Variants in CPQ observed in about 807,000 individuals in gnomAD.
CPQ encodes carboxypeptidase Q.
CPQ carries 37 observed loss-of-function variants against 45.7 expected under a neutral mutation model. That is an observed-to-expected ratio of 0.81 (90% CI 0.62 to 1.07). The LOEUF is 1.07. Ranked by LOEUF, CPQ falls within the 50% of genes least tolerant of loss-of-function variation. The pLI, the probability that CPQ is intolerant of heterozygous loss-of-function variation, is 0.00. For missense variants in CPQ, 537 were observed against 572.9 expected (o/e 0.94, Z 0.64); for synonymous variants, 186 against 205.8 (o/e 0.90, Z 0.82).
At chr8:96,872,694 G>A (rs1275534116) in intron 3 of CPQ, among the ~76,000 whole-genome samples, 2 of 151,794 alleles carry the variant, frequency 1.3e-5, no homozygotes, top group African/African-American at 2.4e-5. Context: ...AAAACCAATA[G>A]GATGTGCAAG....
At chr8:96,972,212 A>C (rs1309212244) in intron 5 of CPQ, among the ~76,000 whole-genome samples, 1 of 152,192 alleles carries the variant, frequency 6.6e-6, no homozygotes, top group African/African-American at 2.4e-5. Context: ...GCATGGGAGC[A>C]GGGTAAGGCC....
intron 4 of CPQ, among the ~76,000 whole-genome samples, chr8:96,962,470 A>G (rs1813476788): frequency 6.6e-6 from 1 of 152,212 alleles, no homozygotes; most frequent in Non-Finnish European, 1.5e-5. Flanking sequence ...CAGATCTGGC[A>G]ACAGAGGCAG....
chr8:97,109,936 C>T (rs1321057541), intron 7 of CPQ, among the ~76,000 whole-genome samples: 1 of 152,138 alleles, frequency 6.6e-6, no homozygotes, highest in African/African-American at 2.4e-5. Context: ...CTTCTTGAGG[C>T]AGCACTTCTA....
Position 96,835,103 on chromosome 8 carries a change from G to T in CPQ, c.564G>T (p.Thr188=). 1.3e-6 allele frequency: 2 copies of T among 1,599,562 alleles called. No homozygotes were observed. The highest frequency in any genetic ancestry group is 1.7e-6 in the Non-Finnish European group (2 of 1,172,448). Residue 188 remains threonine, a synonymous_variant, in exon 3 of 8, where the codon ACG becomes ACT. Transcript: ENST00000220763. The part of the protein sequence containing the change: ...INYSRTVQYR[T]QGAVEAAKVG... ...ACTCAAGGACGGTGCAATACCGAACGCAGGGGGCGGTGGAAGCTGCCAAGG... is the reference window on the plus strand; with the variant it reads ...ACTCAAGGACGGTGCAATACCGAACTCAGGGGGCGGTGGAAGCTGCCAAGG...
At chr8:96,861,644 T>G (rs1348303491) in intron 3 of CPQ, among the ~76,000 whole-genome samples, 9 of 152,118 alleles carry the variant, frequency 5.9e-5, no homozygotes, top group Non-Finnish European at 7.4e-5. Flanking sequence ...ATGTGCCTAT[T>G]GTTAAACAAA....
intron 1 of CPQ, among the ~76,000 whole-genome samples, chr8:96,671,447 A>G (rs1809003415): frequency 6.6e-6 from 1 of 152,180 alleles, no homozygotes; most frequent in South Asian, 2.1e-4. Context: ...AATCCTATTC[A>G]GCTCTTAACT....
At chr8:96,672,830 G>A (rs1404095492) in intron 1 of CPQ, among the ~76,000 whole-genome samples, 2 of 151,940 alleles carry the variant, frequency 1.3e-5, no homozygotes, top group East Asian at 3.9e-4. Flanking sequence ...AGTGAATGTT[G>A]TTTCTTTAAA....
intron 6 of CPQ, among the ~76,000 whole-genome samples, chr8:97,054,001 A>G (rs1438321862): frequency 6.6e-6 from 1 of 152,098 alleles, no homozygotes; most frequent in East Asian, 1.9e-4. Flanking sequence ...GAGGGGAGTT[A>G]GGCAGGGGGA....
chr8:96,757,545 T>A lies in CPQ; in HGVS notation c.-34-27319T>A, dbSNP rs145884359. Among the ~76,000 whole-genome samples, 503 of 151,954 alleles carry A rather than the reference T, an allele frequency of 3.3e-3. 7 individuals are homozygous for A. Among genetic ancestry groups the A allele is most frequent in the African/African-American group, 0.012 (478 of 41,542 alleles). On this transcript the variant is annotated intron_variant, in intron 1 of 7. Coordinates refer to ENST00000220763, the MANE Select transcript of CPQ (RefSeq NM_016134.4). Reference sequence around the variant, plus strand: ...ACAAATTATATTTTCTTCAGTTTCATTCTGTTCTTCATTATTGTCAATATG... The same window carrying A: ...ACAAATTATATTTTCTTCAGTTTCAATCTGTTCTTCATTATTGTCAATATG...
intron 5 of CPQ, among the ~76,000 whole-genome samples, chr8:97,020,493 A>G (rs1809660174): frequency 6.6e-6 from 1 of 152,176 alleles, no homozygotes; most frequent in South Asian, 2.1e-4. Flanking sequence ...TTAAACAAGG[A>G]AAGAAGAGAG....
chr8:96,681,284 T>A (rs1260890895), intron 1 of CPQ, among the ~76,000 whole-genome samples: 9 of 152,142 alleles, frequency 5.9e-5, no homozygotes, highest in Admixed American at 5.9e-4. Flanking sequence ...AAGGTGTTTT[T>A]TTTGGCCAGG....
At chr8:97,139,564 A>C (rs556203065) in intron 7 of CPQ, among the ~76,000 whole-genome samples, 15 of 152,268 alleles carry the variant, frequency 9.9e-5, no homozygotes, top group Non-Finnish European at 1.9e-4. Flanking sequence ...CTAACAGTTA[A>C]ATTAGAAATC....
chr8:96,912,284 T>C (rs923689724), intron 4 of CPQ, among the ~76,000 whole-genome samples: 9 of 152,212 alleles, frequency 5.9e-5, no homozygotes, highest in African/African-American at 2.2e-4. Context: ...ATTAGTAGGT[T>C]TTCACTTCAG....
chr8:97,066,071 G>T lies in CPQ; in HGVS notation c.1116G>T (p.Gly372=). The part of the protein sequence containing the change: ...ESDAGTFLPT[G]LQFTGSEKAR... ...ACGCAGGAACCTTCTTACCCACTGG[G>T]CTGCAATTCACTGGCAGTGAAAAGG... The change falls in exon 7 of 8, where the codon GGG becomes GGT. Residue 372 remains glycine (G), a synonymous_variant. Coordinates refer to ENST00000220763, the MANE Select transcript of CPQ (RefSeq NM_016134.4). The T allele has an allele frequency of 6.2e-7, 1 of 1,611,594 alleles. No homozygotes were observed. Among genetic ancestry groups the T allele is most frequent in the Non-Finnish European group, 8.5e-7 (1 of 1,179,274 alleles).
At chr8:96,715,518 TACCC>T (rs2130757375) in intron 1 of CPQ, among the ~76,000 whole-genome samples, 1 of 152,280 alleles carries the variant, frequency 6.6e-6, no homozygotes, top group South Asian at 2.1e-4. Context: ...TCTATAGGTG[TACCC>T]ACACGAAGCT....
At chr8:96,813,997 T>TGC (rs1195926197) in intron 2 of CPQ, among the ~76,000 whole-genome samples, 2 of 88,810 alleles carry the variant, frequency 2.3e-5, no homozygotes, top group South Asian at 9.4e-4. Flanking sequence ...TACATATATA[T>TGC]ACACACATAT....
At chr8:96,697,961 T>C (rs1010174533) in intron 1 of CPQ, among the ~76,000 whole-genome samples, 1 of 152,040 alleles carries the variant, frequency 6.6e-6, no homozygotes, top group African/African-American at 2.4e-5. Context: ...GCAATCCCTA[T>C]CATGATACCA....
chr8:96,926,643 T>TCTTCTC (rs1554578128), intron 4 of CPQ, among the ~76,000 whole-genome samples: 12 of 149,430 alleles, frequency 8.0e-5, no homozygotes, highest in South Asian at 4.3e-4. Context: ...TCCTTCTTCT[T>TCTTCTC]CTTCTCCTTC....
chr8:96,921,111 T>C (rs929591370), intron 4 of CPQ, among the ~76,000 whole-genome samples: 3 of 152,096 alleles, frequency 2.0e-5, no homozygotes, highest in Non-Finnish European at 4.4e-5. Flanking sequence ...CCATTGAGGC[T>C]CTGAGAGTCT....
Sources: allele counts gnomAD v4.1 joint callset (sites outside exome capture counted in the v4.1 genomes callset), GRCh38; gene constraint gnomAD v4.1.1; transcripts MANE v1.5; gene names NCBI Gene and HGNC (gene_info 2026-07-23, HGNC 2026-07-21).